The following SYNE2 variants were observed in gnomAD, a reference collection of about 807,000 sequenced individuals.
SYNE2 encodes nesprin-2.
In SYNE2, 431 loss-of-function variants were observed where a neutral mutation model predicts 856.3. The ratio of observed to expected loss-of-function variants is 0.50; its 90% CI spans 0.47 to 0.55. The LOEUF is 0.55. Among genes scored for constraint, SYNE2 ranks in the 20% least tolerant of loss-of-function variants. The pLI, the probability that SYNE2 is intolerant of heterozygous loss-of-function variation, is 0.00. For synonymous variants in SYNE2, 2,923 were observed against 2,872.3 expected, an observed-to-expected ratio of 1.02 and a Z score of -0.56; for missense variants, 8,129 against 8,023.2, an observed-to-expected ratio of 1.01 and a Z score of -0.50.
Position 63,963,973 on chromosome 14 carries a change from G to T in SYNE2, c.963G>T (p.Glu321Asp), listed in dbSNP as rs2096356262. The change falls in exon 10 of 116, where the codon GAG becomes GAT. Residue 321 changes from glutamate to aspartate, a missense_variant. This residue lies in a region of SYNE2 where 2,422 missense variants were observed against 2,357.4 expected (regional missense o/e 1.03). Coordinates refer to ENST00000555002, the MANE Select transcript of SYNE2 (RefSeq NM_182914.3). ...EKLQKLLKDSENDTYFKKYNS... is the reference protein window; with the variant it reads ...EKLQKLLKDSDNDTYFKKYNS... ...TACAGAAGTTGCTAAAGGATTCAGA[G>T]AATGATACCTACTTTAAAAAGTATA... 3 of 1,605,888 alleles carry T rather than the reference G, an allele frequency of 1.9e-6. No individual in the cohort carries two copies. Among genetic ancestry groups the T allele is most frequent in the East Asian group, 4.5e-5 (2 of 44,696 alleles).
At position 64,087,799 on chromosome 14, in the gene SYNE2, A is replaced by G. The variant is rs17101637; in HGVS notation, c.11613A>G (p.Val3871=). 0.076 allele frequency: 122,935 copies of G among 1,613,930 alleles called. 5,365 individuals are homozygous for G. The highest frequency in any genetic ancestry group is 0.18 in the African/African-American group (13,154 of 75,024). The change falls in exon 58 of 116, where the codon GTA becomes GTG. Residue 3871 remains valine (V), a synonymous_variant. Coordinates refer to ENST00000555002, the MANE Select transcript of SYNE2 (RefSeq NM_182914.3). ...CCATACAAGAGTTAAGTAATCAAGT[A>G]ACAGCTTTACAACAAAAAATAATGG... is the stretch of plus-strand genomic sequence containing the variant. ...TQSIQELSNQ[V]TALQQKIMES...
At chr14:63,944,823 G>GCTTTTTT (rs2095996238) in intron 6 of SYNE2, among the ~76,000 whole-genome samples, 1 of 65,786 alleles carries the variant, frequency 1.5e-5, no homozygotes, top group Admixed American at 1.6e-4. Context: ...TGGGCTTAAA[G>GCTTTTTT]CTTTTTTTTT....
rs8010911 is a variant in SYNE2, at chr14:64,055,956, G to C, written c.9757G>C (p.Asp3253His). 1,355,156 of 1,612,456 alleles carry C rather than the reference G, an allele frequency of 0.84. 577,480 individuals carry two copies. The highest frequency in any genetic ancestry group is 0.88 in the Non-Finnish European group (1,032,701 of 1,178,982). Reference sequence around the variant, plus strand: ...TCCTATTCACTAGAATGTCTTGAATGATGCTTATGAAAATCTAACACGCTA... The same window carrying C: ...TCCTATTCACTAGAATGTCTTGAATCATGCTTATGAAAATCTAACACGCTA... ...SIDLRTNVLN[D>H]AYENLTRYKE... Residue 3253 changes from aspartate to histidine, a missense_variant, in exon 49 of 116, where the codon GAT (aspartate) becomes CAT (histidine). Asp to His is a moderately conservative substitution (Grantham distance 81). Around this residue, in one of 3 missense-constraint regions of SYNE2, gnomAD observed 5,410 missense variants for 5,284.8 expected, o/e 1.02. Transcript: ENST00000555002.
intron 1 of SYNE2, among the ~76,000 whole-genome samples, chr14:63,828,543 G>A (rs554324976): frequency 1.5e-4 from 23 of 152,218 alleles, no homozygotes; most frequent in African/African-American, 5.5e-4. Flanking sequence ...GGAGGCTGAG[G>A]TGGGAGGATT....
rs576638443 is a variant in SYNE2, at chr14:63,815,748, G to A, written c.-304-36753G>A. Among the ~76,000 whole-genome samples, 13 of 151,932 alleles carry A rather than the reference G, an allele frequency of 8.6e-5. No homozygotes were observed. The South Asian group carries it at 2.3e-3, about 27-fold the overall frequency. ...AACAACTCAGGTATGGACAACCTTC[G>A]TGCCTAATGCTGTATGGGCCACTCA... On this transcript the variant is annotated intron_variant, in intron 1 of 23. Transcript: ENST00000674003.
At chr14:64,102,138 A>T (rs1014717485) in intron 64 of SYNE2, 96 bp downstream of exon 64, 2 of 864,966 alleles carry the variant, frequency 2.3e-6, no homozygotes, top group Admixed American at 3.9e-5. Flanking sequence ...TACACCCCTG[A>T]GACGGACTCG....
chr14:64,041,292 C>G (rs1442033920), intron 45 of SYNE2, among the ~76,000 whole-genome samples: 4 of 151,908 alleles, frequency 2.6e-5, no homozygotes, highest in Admixed American at 6.6e-5. Context: ...TAAACAGGCC[C>G]TAAAACCACA....
At chr14:63,953,765 C>T (rs144081069) in intron 7 of SYNE2, among the ~76,000 whole-genome samples, 47 of 152,316 alleles carry the variant, frequency 3.1e-4, no homozygotes, top group African/African-American at 1.1e-3. Flanking sequence ...CAAACCCTGG[C>T]CTCTGGCAAT....
chr14:63,958,832 C>T (rs1273192), intron 8 of SYNE2, among the ~76,000 whole-genome samples: 103,959 of 151,944 alleles, frequency 0.68, 35,842 homozygotes, highest in South Asian at 0.77. Context: ...TGATATTTTA[C>T]ACTCTTAGTT....
chr14:64,096,060 C>G (rs2097674350), intron 61 of SYNE2, among the ~76,000 whole-genome samples: 1 of 152,158 alleles, frequency 6.6e-6, no homozygotes, highest in Non-Finnish European at 1.5e-5. Flanking sequence ...CAGAGAACAG[C>G]CCTCACCAGA....
chr14:64,081,579 A>G lies in SYNE2; in HGVS notation c.11483A>G (p.Gln3828Arg), dbSNP rs2097524113. The G allele has an allele frequency of 6.2e-7, 1 of 1,613,902 alleles. No homozygotes were observed. Among genetic ancestry groups the G allele is most frequent in the Admixed American group, 1.7e-5 (1 of 60,000 alleles). ...CTGAGTCACCATGCTAGCACTGTGC[A>G]GGTAAGTGTTCTTCCAGGTTTTCTG... ...RTLSHHASTVQMALEDSEQKH... is the reference protein window; with the variant it reads ...RTLSHHASTVRMALEDSEQKH... Residue 3828 changes from glutamine (Q) to arginine (R), a missense_variant and splice_region_variant, in exon 57 of 116, where the codon CAG (glutamine) becomes CGG (arginine). By Grantham distance (43) the Gln-to-Arg change is conservative. Around this residue, in one of 3 missense-constraint regions of SYNE2, gnomAD observed 5,410 missense variants for 5,284.8 expected, o/e 1.02. Coordinates refer to ENST00000555002, the MANE Select transcript of SYNE2 (RefSeq NM_182914.3).
intron 14 of SYNE2, 136 bp from the exon 15 acceptor site, chr14:63,980,518 C>T: frequency 1.6e-6 from 1 of 619,642 alleles, no homozygotes; most frequent in Non-Finnish European, 2.9e-6. Flanking sequence ...TGTTTTCCTA[C>T]CAAATATGTA....
At chr14:63,918,468 C>T (rs1259013920) in intron 2 of SYNE2, among the ~76,000 whole-genome samples, 1 of 152,110 alleles carries the variant, frequency 6.6e-6, no homozygotes, top group African/African-American at 2.4e-5. Flanking sequence ...TTTTTATAAT[C>T]ATTTAAAAGT....
At chr14:64,111,414 A>G (rs1350715721) in intron 65 of SYNE2, among the ~76,000 whole-genome samples, 3 of 152,210 alleles carry the variant, frequency 2.0e-5, no homozygotes, top group South Asian at 2.1e-4. Flanking sequence ...AGATATAGCA[A>G]TATCTGAAAA....
chr14:63,891,294 C>T (rs995203222), intron 1 of SYNE2, among the ~76,000 whole-genome samples: 1 of 152,112 alleles, frequency 6.6e-6, no homozygotes, highest in Non-Finnish European at 1.5e-5. Context: ...CACGAGGAGG[C>T]GGTCAGAACT....
chr14:63,972,834 T>A (rs2096490220), intron 11 of SYNE2, among the ~76,000 whole-genome samples: 1 of 152,220 alleles, frequency 6.6e-6, no homozygotes. Flanking sequence ...AGAATAATAG[T>A]TGAACTAGAG....
chr14:64,208,922 C>G lies in SYNE2; in HGVS notation c.18366C>G (p.Ala6122=). The change falls in exon 101 of 116, where the codon GCC becomes GCG. Residue 6122 remains alanine (A), a synonymous_variant. Transcript: ENST00000555002. ...ACAGACGCTGGAGGAACATTTGTGC[C>G]ATGTCCATGGAGCGGCGCATGAAGT... ...SLDRRWRNIC[A]MSMERRMKIE... is the part of the protein sequence containing the mutation. 1 of 1,614,118 alleles carries G rather than the reference C, an allele frequency of 6.2e-7. No individual in the cohort carries two copies. The highest frequency in any genetic ancestry group is 1.3e-5 in the African/African-American group (1 of 75,052).
Position 64,052,223 on chromosome 14 carries a change from G to A in SYNE2, c.8310G>A (p.Val2770=). ...TTTCACAGATCAGAAAGTGCAAAGT[G>A]ACACATGATGGCATTCTAGCTAGGC... ...DILSQIRKCK[V]THDGILARQQ... The change falls in exon 48 of 116, where the codon GTG becomes GTA. Residue 2770 remains valine, a synonymous_variant. Transcript: ENST00000555002. The A allele has an allele frequency of 5.6e-6, 9 of 1,614,158 alleles. No homozygotes were observed. The highest frequency in any genetic ancestry group is 7.6e-6 in the Non-Finnish European group (9 of 1,180,026).
chr14:63,803,364 G>C (rs1251924635), intron 1 of SYNE2, among the ~76,000 whole-genome samples: 1 of 152,228 alleles, frequency 6.6e-6, no homozygotes, highest in Non-Finnish European at 1.5e-5. Flanking sequence ...CATGGAGTGG[G>C]TGGGAGGCTC....
Sources: gnomAD v4.1 joint callset for allele counts (sites outside exome capture counted in the v4.1 genomes callset) on GRCh38, gnomAD v4.1.1 for gene constraint, gnomAD v4.1.1 regional missense constraint, MANE v1.5 for transcripts, NCBI Gene and HGNC (gene_info 2026-07-23, HGNC 2026-07-21) for gene names.